DOCK6: variants seen among roughly 807,000 people sequenced by gnomAD.
DOCK6 encodes the protein dedicator of cytokinesis protein 6.
Under a neutral mutation model 230.3 loss-of-function variants are expected in DOCK6, and 167 were observed. That is an observed-to-expected ratio of 0.73 (90% CI 0.64 to 0.82). The LOEUF is 0.82. Ranked by LOEUF, DOCK6 falls within the 40% of genes least tolerant of loss-of-function variation. The probability of loss-of-function intolerance (pLI) is 0.00; values close to 1 mark genes in which losing one functional copy is unlikely to be tolerated. For missense variants in DOCK6, 2,598 were observed against 2,825.8 expected (o/e 0.92, Z 1.83); for synonymous variants, 1,148 against 1,185.0 (o/e 0.97, Z 0.64).
chr19:11,201,747 G>A lies in DOCK6; in HGVS notation c.5688+142C>T. The A allele has an allele frequency of 1.3e-6, 1 of 770,784 alleles. No individual in the cohort carries two copies. The highest frequency in any genetic ancestry group is 2.7e-5 in the East Asian group (1 of 37,128). The allele number at this position is 770,784 out of a possible 1,614,324, so 47.7% of individuals were successfully genotyped here. On this transcript the variant is annotated intron_variant, in intron 44 of 47. Coordinates refer to ENST00000294618, the MANE Select transcript of DOCK6 (RefSeq NM_020812.4). This position sits in a 1 kb window ranked among gnomAD's most constrained non-coding sequence, Gnocchi z 4.3. ...CTCCCCTCCCTGGGGATCTGGTCTA[G>A]GGTCCCTGTGCCACCCCTCTCTGGG... is the stretch of plus-strand genomic sequence containing the variant.
intron 36 of DOCK6, 45 bp downstream of exon 36, chr19:11,211,948 G>A (rs1289731879): frequency 1.4e-6 from 2 of 1,380,564 alleles, no homozygotes; most frequent in African/African-American, 1.5e-5. Context: ...GTGGGGTTGG[G>A]AGTTATATGA....
At chr19:11,245,733 T>C (rs1479796412) in intron 8 of DOCK6, 21 bp from the exon 9 acceptor site, 1 of 1,604,400 alleles carries the variant, frequency 6.2e-7, no homozygotes, top group Non-Finnish European at 8.5e-7. Context: ...CAGAGGCAGC[T>C]GGGCCACCAC....
At chr19:11,249,682 G>C (rs1283629900) in intron 6 of DOCK6, among the ~76,000 whole-genome samples, 1 of 151,704 alleles carries the variant, frequency 6.6e-6, no homozygotes, top group Non-Finnish European at 1.5e-5. Flanking sequence ...GATCACCTGA[G>C]GTCAGGAGTT....
At chr19:11,241,345 C>T in intron 14 of DOCK6, 1 of 735,416 alleles carries the variant, frequency 1.4e-6, no homozygotes, top group Non-Finnish European at 2.3e-6. Context: ...GCATTGTTGA[C>T]TTGCTGGGTC....
chr19:11,239,088 C>T (rs1273564533), intron 14 of DOCK6, among the ~76,000 whole-genome samples: 1 of 152,120 alleles, frequency 6.6e-6, no homozygotes, highest in African/African-American at 2.4e-5. Flanking sequence ...TGCACAATCA[C>T]CCACGGAGTA....
intron 7 of DOCK6, among the ~76,000 whole-genome samples, chr19:11,246,804 A>T (rs552443201): frequency 1.8e-4 from 27 of 152,226 alleles, no homozygotes; most frequent in African/African-American, 6.3e-4. Flanking sequence ...CCACCATAAA[A>T]GTCCTTCCCT....
chr19:11,261,851 C>T (rs76236338), intron 1 of DOCK6, among the ~76,000 whole-genome samples: 1 of 152,080 alleles, frequency 6.6e-6, no homozygotes, highest in Non-Finnish European at 1.5e-5. Flanking sequence ...TTCCCCCCCC[C>T]CGACAGCTGG....
In DOCK6 at chr19:11,236,319, C is replaced by G. The variant is rs1351901103; in HGVS notation, c.2392+27G>C. 2 of 1,525,644 alleles carry G rather than the reference C, an allele frequency of 1.3e-6. No individual in the cohort carries two copies. Among genetic ancestry groups the G allele is most frequent in the Non-Finnish European group, 1.8e-6 (2 of 1,127,478 alleles). 94.5% of individuals were successfully genotyped at this position (1,525,644 alleles called of 1,614,324 possible). A position where few individuals can be genotyped will look rare whatever the true frequency, so the allele number is the denominator to read the frequency against. ...CTGAGAAGCCATGTGGATGGGGAAA[C>G]TGAGGTCTGAGGCCACATTCGCTTA... On this transcript the variant is annotated intron_variant, in intron 20 of 47. Coordinates refer to ENST00000294618, the MANE Select transcript of DOCK6 (RefSeq NM_020812.4). This position sits in a 1 kb window ranked among gnomAD's most constrained non-coding sequence, Gnocchi z 5.2.
At position 11,212,143 on chromosome 19, in the gene DOCK6, G is replaced by T; in HGVS notation, c.4500C>A (p.Ala1500=). The change falls in exon 36 of 48, where the codon GCC becomes GCA. Residue 1500 remains alanine, a synonymous_variant. Coordinates refer to ENST00000294618, the MANE Select transcript of DOCK6 (RefSeq NM_020812.4). ...RQNFEIGHNF[A]RVKMQVTMSL... ...ACATGGTGACCTGCATCTTCACACGGGCAAAGTTCTGCAGGGACAGGGGCG... is the reference window on the plus strand; with the variant it reads ...ACATGGTGACCTGCATCTTCACACGTGCAAAGTTCTGCAGGGACAGGGGCG... The T allele has an allele frequency of 6.2e-7, 1 of 1,609,680 alleles. No individual in the cohort carries two copies. The highest frequency in any genetic ancestry group is 2.2e-5 in the East Asian group (1 of 44,868).
In DOCK6 at chr19:11,200,803, T is replaced by C. The variant is rs1420502161; in HGVS notation, c.5852A>G (p.Gln1951Arg). 1 of 1,612,786 alleles carries C rather than the reference T, an allele frequency of 6.2e-7. No individual in the cohort carries two copies. Among genetic ancestry groups the C allele is most frequent in the Non-Finnish European group, 8.5e-7 (1 of 1,179,106 alleles). ...TTCCGGGATCTCTGCTAAAAACACCTGGGCCACCTCCAGGGGACCCTGTGG... is the reference window on the plus strand; with the variant it reads ...TTCCGGGATCTCTGCTAAAAACACCCGGGCCACCTCCAGGGGACCCTGTGG... ...TVNQGPLEVA[Q>R]VFLAEIPEDP... The change falls in exon 46 of 48, where the codon CAG becomes CGG. Residue 1951 changes from glutamine to arginine, a missense_variant. Coordinates refer to ENST00000294618, the MANE Select transcript of DOCK6 (RefSeq NM_020812.4). The surrounding 1 kb of genome is among the most constrained non-coding windows in gnomAD (Gnocchi z 4.3).
intron 1 of DOCK6, chr19:11,253,982 G>A (rs562935045): frequency 3.4e-5 from 13 of 384,278 alleles, no homozygotes; most frequent in African/African-American, 1.1e-4. Context: ...TTCCCCTCCC[G>A]GCTGGGCCTG....
rs1010228900 is a variant in DOCK6, at chr19:11,200,548, A to T, written c.5940-79T>A. The T allele has an allele frequency of 7.1e-6, 11 of 1,552,164 alleles. No homozygotes were observed. The highest frequency in any genetic ancestry group is 8.7e-6 in the Non-Finnish European group (10 of 1,149,206). On this transcript the variant is annotated intron_variant, in intron 46 of 47. Transcript: ENST00000294618. This position sits in a 1 kb window ranked among gnomAD's most constrained non-coding sequence, Gnocchi z 4.3. ...AAGACTAGGGGTGGGGGCACCCATA[A>T]GGCGGGACCAGGCCTGCAGAAAGAC...
At chr19:11,240,770 A>G (rs979599497) in intron 14 of DOCK6, among the ~76,000 whole-genome samples, 1 of 151,686 alleles carries the variant, frequency 6.6e-6, no homozygotes, top group Admixed American at 6.6e-5. Flanking sequence ...GGATTTCACC[A>G]TGTTGGCCAG....
At chr19:11,224,748 A>G (rs2079637889) in intron 24 of DOCK6, among the ~76,000 whole-genome samples, 1 of 152,068 alleles carries the variant, frequency 6.6e-6, no homozygotes, top group African/African-American at 2.4e-5. Context: ...AGGCCTCACA[A>G]GTTAGCCTCA....
chr19:11,234,888 G>C lies in DOCK6; in HGVS notation c.2554+710C>G, dbSNP rs144443460. Among the ~76,000 whole-genome samples, 22 of 152,200 alleles carry C rather than the reference G, an allele frequency of 1.4e-4. No individual in the cohort carries two copies. In the East Asian group the frequency reaches 4.2e-3, roughly 29 times the overall value. ...CCAGCCAAGGCCTGTGAGGCCTCAG[G>C]GCCTTTGCACATGCTATTCTCACTA... On this transcript the variant is annotated intron_variant, in intron 21 of 47. Transcript: ENST00000294618.
rs957946689 is a variant in DOCK6 at position 11,202,908 on chromosome 19, G to T, written c.5236-199C>A. 2.0e-5 allele frequency among the ~76,000 whole-genome samples: 3 copies of T among 152,110 alleles called. No individual in the cohort carries two copies. Among genetic ancestry groups the T allele is most frequent in the African/African-American group, 7.2e-5 (3 of 41,418 alleles). ...TTAGGACTGGGGCTGTATTGTTTAC[G>T]GGTGTGTCCCTAATGCCCGTGGGAC... On this transcript the variant is annotated intron_variant, in intron 41 of 47. Transcript: ENST00000294618. This position sits in a 1 kb window ranked among gnomAD's most constrained non-coding sequence, Gnocchi z 5.3.
chr19:11,230,998 T>G (rs1477522705), intron 22 of DOCK6, among the ~76,000 whole-genome samples: 1 of 152,152 alleles, frequency 6.6e-6, no homozygotes, highest in Non-Finnish European at 1.5e-5. Context: ...CAACTCACTG[T>G]GCACCGTGAG....
In DOCK6 at chr19:11,243,786, G is replaced by A. The variant is rs774794312; in HGVS notation, c.1104+16C>T. The A allele has an allele frequency of 3.1e-6, 5 of 1,613,196 alleles. No individual in the cohort carries two copies. The East Asian group carries it at 1.1e-4, about 36-fold the overall frequency. ...TCAGGGATCTGTTGCCCCTAGTCCA[G>A]CCTCCACACGCTTACCTTGGCTGTG... On this transcript the variant is annotated intron_variant, in intron 10 of 47. Coordinates refer to ENST00000294618, the MANE Select transcript of DOCK6 (RefSeq NM_020812.4). The surrounding 1 kb of genome is among the most constrained non-coding windows in gnomAD (Gnocchi z 6.3).
chr19:11,252,704 G>C, intron 3 of DOCK6, 79 bp downstream of exon 3: 1 of 1,597,318 alleles, frequency 6.3e-7, no homozygotes, highest in Non-Finnish European at 8.6e-7. Flanking sequence ...GCCAAGCCAG[G>C]AGCTGAAGTC....
Sources: allele counts gnomAD v4.1 joint callset (sites outside exome capture counted in the v4.1 genomes callset), GRCh38; gene constraint gnomAD v4.1.1; non-coding constraint Gnocchi (gnomAD v3.1); transcripts MANE v1.5; gene names NCBI Gene and HGNC (gene_info 2026-07-23, HGNC 2026-07-21).